Variants in TRIM36 observed in about 807,000 individuals in gnomAD.
TRIM36 encodes E3 ubiquitin-protein ligase TRIM36.
TRIM36 carries 42 observed loss-of-function variants against 72.4 expected under a neutral mutation model. That is an observed-to-expected ratio of 0.58 (90% CI 0.45 to 0.75). The LOEUF (loss-of-function observed/expected upper bound fraction) is 0.75, where lower values mean the gene tolerates loss of function less well. Among genes scored for constraint, TRIM36 ranks in the 30% least tolerant of loss-of-function variants. The pLI is 0.00. For synonymous variants in TRIM36, 315 were observed against 282.8 expected, an observed-to-expected ratio of 1.11 and a Z score of -1.14; for missense variants, 913 against 857.1, an observed-to-expected ratio of 1.07 and a Z score of -0.81.
Position 115,130,865 on chromosome 5 carries a change from T to A in TRIM36, c.1523A>T (p.Lys508Ile), listed in dbSNP as rs1461073825. ...APVFSFLFDE[K>I]CGYNNEHLLL... ...GAGGTGTTCATTATTATAGCCACAT[T>A]TTTCATCAAAGAGGAAGCTGAAAAC... The change falls in exon 9 of 10, where the codon AAA (lysine) becomes ATA (isoleucine). Residue 508 changes from lysine (K) to isoleucine (I), a missense_variant. Coordinates refer to ENST00000513154, the MANE Select transcript of TRIM36 (RefSeq NM_001300759.2). The A allele has an allele frequency of 6.2e-7, 1 of 1,607,214 alleles. No individual in the cohort carries two copies. The highest frequency in any genetic ancestry group is 1.3e-5 in the African/African-American group (1 of 74,796).
rs571252644 is a variant in TRIM36, at chr5:115,164,749, A to G, written c.28-997T>C. ...ATGTCCTCACATTTCAAAACCAATC[A>G]TGCTTCCAAACAGTCCCCCAAAGTC... On this transcript the variant is annotated intron_variant, in intron 1 of 9. Coordinates refer to ENST00000513154, the MANE Select transcript of TRIM36 (RefSeq NM_001300759.2). Among the ~76,000 whole-genome samples the G allele has an allele frequency of 2.0e-5, 3 of 152,268 alleles. No individual in the cohort carries two copies. In the South Asian group the frequency reaches 6.2e-4, roughly 32 times the overall value.
At chr5:115,167,925 G>A (rs1469494938) in intron 1 of TRIM36, among the ~76,000 whole-genome samples, 2 of 152,188 alleles carry the variant, frequency 1.3e-5, no homozygotes, top group South Asian at 4.1e-4. Flanking sequence ...GGCTGGAGAG[G>A]CCTCAGGAAA....
upstream of TRIM36, among the ~76,000 whole-genome samples, chr5:115,170,863 T>A (rs1020513679): frequency 3.3e-5 from 5 of 152,226 alleles, no homozygotes; most frequent in African/African-American, 9.6e-5. Context: ...GGAGTGCTGC[T>A]GAACGTTAAG....
At chr5:115,139,979 T>C (rs1753187979) in intron 5 of TRIM36, among the ~76,000 whole-genome samples, 1 of 152,184 alleles carries the variant, frequency 6.6e-6, no homozygotes, top group African/African-American at 2.4e-5. Flanking sequence ...TGACCAAAGA[T>C]GCAACATTTG....
rs1754614348 is a variant in TRIM36 at position 115,163,717 on chromosome 5, G to A, written c.63C>T (p.Cys21=). The change falls in exon 2 of 10, where the codon TGC becomes TGT. Residue 21 remains cysteine (C), a synonymous_variant. Transcript: ENST00000513154. ...GGGTAAACAGCTCCTTGCATGCTGG[G>A]CAAATGAGCTCCCTTTCGATATTCT... The part of the protein sequence containing the change: ...TIKNIERELI[C]PACKELFTHP... 1.2e-6 allele frequency: 2 copies of A among 1,614,134 alleles called. No homozygotes were observed. The highest frequency in any genetic ancestry group is 1.1e-5 in the South Asian group (1 of 91,070).
rs1236775309 is a variant in TRIM36 at position 115,147,230 on chromosome 5, T to C, written c.427A>G (p.Ile143Val). The C allele has an allele frequency of 2.5e-6, 4 of 1,614,190 alleles. No homozygotes were observed. In the Admixed American group the frequency reaches 5.0e-5, roughly 20 times the overall value. ...YRQAARAATA[I>V]MCDLCKPPPQ... ...GGTGGTTTACAAAGGTCACACATAA[T>C]GGCTGTGGCTGCCCTAGCTGCTTGA... is the stretch of plus-strand genomic sequence containing the variant. The change falls in exon 3 of 10, where the codon ATT becomes GTT. Residue 143 changes from isoleucine to valine, a missense_variant. Coordinates refer to ENST00000513154, the MANE Select transcript of TRIM36 (RefSeq NM_001300759.2).
At chr5:115,159,672 T>C (rs1417667532) in intron 2 of TRIM36, 1 of 452,958 alleles carries the variant, frequency 2.2e-6, no homozygotes. Context: ...GTTGTGATGC[T>C]GTGAACAATG....
intron 1 of TRIM36, among the ~76,000 whole-genome samples, chr5:115,175,284 C>T (rs1755283079): frequency 6.6e-6 from 1 of 152,142 alleles, no homozygotes; most frequent in Non-Finnish European, 1.5e-5. Context: ...ACCCTGTTGT[C>T]ATAAAAGCTA....
rs773406405 is a variant in TRIM36, at chr5:115,180,084, A to T, written c.-47T>A. The T allele has an allele frequency of 1.9e-6, 3 of 1,568,596 alleles. No homozygotes were observed. In the African/African-American group the frequency reaches 4.1e-5, roughly 21 times the overall value. Reference sequence around the variant, plus strand: ...CTGGAGGACCGACGCGGGTGTATCGAATTTGTCCTTTCTTTTCTCTTTTTC... The same window carrying T: ...CTGGAGGACCGACGCGGGTGTATCGTATTTGTCCTTTCTTTTCTCTTTTTC... On this transcript the variant is annotated 5_prime_UTR_variant, in exon 1 of 10. Coordinates refer to the TRIM36 transcript ENST00000282369.
chr5:115,157,011 T>G (rs191873610), intron 2 of TRIM36, among the ~76,000 whole-genome samples: 1 of 152,100 alleles, frequency 6.6e-6, no homozygotes, highest in African/African-American at 2.4e-5. Context: ...AGGACATGAA[T>G]AGACAATTCT....
intron 9 of TRIM36, among the ~76,000 whole-genome samples, chr5:115,129,717 T>C (rs1202832496): frequency 1.3e-5 from 2 of 152,218 alleles, no homozygotes; most frequent in African/African-American, 2.4e-5. Context: ...TCATCATGGA[T>C]GTATGAAGCA....
chr5:115,147,440 G>T, intron 2 of TRIM36, 46 bp from the exon 3 acceptor site: 3 of 1,562,110 alleles, frequency 1.9e-6, no homozygotes, highest in South Asian at 1.2e-5. Context: ...GTAGGAAAAT[G>T]ATTAGAATGA....
In TRIM36 at chr5:115,137,479, T is replaced by C. The variant is rs1314813036; in HGVS notation, c.969A>G (p.Gln323=). The C allele has an allele frequency of 1.2e-5, 19 of 1,614,056 alleles. No homozygotes were observed. The highest frequency in any genetic ancestry group is 2.2e-5 in the East Asian group (1 of 44,878). The change falls in exon 6 of 10, where the codon CAA becomes CAG. Residue 323 remains glutamine (Q), a synonymous_variant. Transcript: ENST00000513154. The part of the protein sequence containing the change: ...KKLRLDKFQT[Q]MEEYQGLLEN... ...CTAGAAGTCCCTGGTACTCTTCCAT[T>C]TGAGTCTGAAATTTGTCTAATCTTA...
intron 9 of TRIM36, among the ~76,000 whole-genome samples, chr5:115,127,377 A>G (rs1033532909): frequency 6.6e-6 from 1 of 152,236 alleles, no homozygotes; most frequent in Non-Finnish European, 1.5e-5. Flanking sequence ...CCTGGCCAAC[A>G]TGACAAAACC....
At chr5:115,168,406 T>C (rs147830613) in intron 1 of TRIM36, among the ~76,000 whole-genome samples, 55 of 152,346 alleles carry the variant, frequency 3.6e-4, no homozygotes, top group African/African-American at 1.3e-3. Context: ...CCTGCAATTT[T>C]AAAGACAGCC....
intron 4 of TRIM36, among the ~76,000 whole-genome samples, chr5:115,143,993 CTT>C (rs1365553959): frequency 6.6e-6 from 1 of 151,950 alleles, no homozygotes; most frequent in African/African-American, 2.4e-5. Flanking sequence ...GCCTCAGCCT[CTT>C]GAGTAGCTGG....
intron 1 of TRIM36, chr5:115,179,906 C>T (rs1755537766): frequency 1.3e-6 from 2 of 1,506,202 alleles, no homozygotes; most frequent in Admixed American, 1.7e-5. Context: ...CACGGACGCC[C>T]ACAGTGGCGG....
At chr5:115,165,519 G>T (rs1163816953) in intron 1 of TRIM36, among the ~76,000 whole-genome samples, 3 of 152,172 alleles carry the variant, frequency 2.0e-5, no homozygotes, top group Non-Finnish European at 4.4e-5. Flanking sequence ...CTGTACCTTG[G>T]CCCCTTTTAG....
At chr5:115,179,935 C>CG (rs766323579) in intron 1 of TRIM36, 2 of 1,596,262 alleles carry the variant, frequency 1.3e-6, no homozygotes, top group Admixed American at 3.4e-5. Context: ...GTGCCGGAGT[C>CG]GGGGGCCCAG....
Sources: gnomAD v4.1 joint callset for allele counts (sites outside exome capture counted in the v4.1 genomes callset) on GRCh38, gnomAD v4.1.1 for gene constraint, MANE v1.5 for transcripts, NCBI Gene and HGNC (gene_info 2026-07-23, HGNC 2026-07-21) for gene names.